The following MBTPS1 variants were observed in gnomAD, a reference collection of about 807,000 sequenced individuals.
MBTPS1 encodes membrane bound transcription factor peptidase, site 1, also known as membrane-bound transcription factor site-1 protease.
In MBTPS1, 94 loss-of-function variants were observed where a neutral mutation model predicts 127.8. That is an observed-to-expected ratio of 0.74 (90% confidence interval 0.62 to 0.87). The LOEUF is 0.87. Among genes scored for constraint, MBTPS1 ranks in the 40% least tolerant of loss-of-function variants. The probability of loss-of-function intolerance (pLI) is 0.00; values close to 1 mark genes in which losing one functional copy is unlikely to be tolerated. For synonymous variants in MBTPS1, 632 were observed against 509.4 expected, an observed-to-expected ratio of 1.24 and a Z score of -3.24; for missense variants, 1,636 against 1,353.2, an observed-to-expected ratio of 1.21 and a Z score of -3.28.
chr16:84,056,017 C>T lies in MBTPS1; in HGVS notation c.2950G>A (p.Asp984Asn), dbSNP rs146299475. 7.6e-3 allele frequency: 12,296 copies of T among 1,612,704 alleles called. 67 individuals are homozygous for T. The highest frequency in any genetic ancestry group is 8.7e-3 in the Non-Finnish European group (10,231 of 1,179,406). ...GCCGAGAACTCACCTCCAGGAATGT[C>T]CCAGGCGCCGCTCTCTCCAGGGGAC... ...PLSPGESGAW[D>N]IPGGIMPGRY... Residue 984 changes from aspartate (D) to asparagine (N), a missense_variant, in exon 22 of 23, where the codon GAC becomes AAC. Coordinates refer to ENST00000343411, the MANE Select transcript of MBTPS1 (RefSeq NM_003791.4).
chr16:84,054,521 C>T lies in MBTPS1; in HGVS notation c.3087G>A (p.Lys1029=). ...VQINKAKSRP[K]RRKPRVKRPQ... ...GGCGCTTCACCCTGGGCTTCCTCCGCTTCGGCCTGCTCTTGGCCTTGTTGA... is the reference window on the plus strand; with the variant it reads ...GGCGCTTCACCCTGGGCTTCCTCCGTTTCGGCCTGCTCTTGGCCTTGTTGA... The change falls in exon 23 of 23, where the codon AAG becomes AAA. Residue 1029 remains lysine, a synonymous_variant. Transcript: ENST00000343411. 1 of 1,614,016 alleles carries T rather than the reference C, an allele frequency of 6.2e-7. No homozygotes were observed. Among genetic ancestry groups the T allele is most frequent in the Non-Finnish European group, 8.5e-7 (1 of 1,179,920 alleles).
chr16:84,099,030 T>G, intron 3 of MBTPS1, 23 bp downstream of exon 3: 1 of 1,607,468 alleles, frequency 6.2e-7, no homozygotes, highest in Non-Finnish European at 8.5e-7. Context: ...AGAGAGAAAT[T>G]TGCCTACAGT....
At chr16:84,094,000 C>T (rs1206969354) in intron 4 of MBTPS1, among the ~76,000 whole-genome samples, 179 bp from the exon 5 acceptor site, 1 of 152,150 alleles carries the variant, frequency 6.6e-6, no homozygotes, top group Non-Finnish European at 1.5e-5. Flanking sequence ...TGAGCCAAGG[C>T]TAAGAAAAGA....
At position 84,070,032 on chromosome 16, in the gene MBTPS1, T is replaced by C. The variant is rs745538324; in HGVS notation, c.1789A>G (p.Asn597Asp). The C allele has an allele frequency of 1.5e-5, 23 of 1,559,006 alleles. No homozygotes were observed. Among genetic ancestry groups the C allele is most frequent in the Non-Finnish European group, 2.0e-5 (23 of 1,160,326 alleles). ...ACTGTTGAAGTCTGTTCTGCACCATTTTTTGACTAAAAAAAAAGAAAAGAA... is the reference window on the plus strand; with the variant it reads ...ACTGTTGAAGTCTGTTCTGCACCATCTTTTGACTAAAAAAAAAGAAAAGAA... ...VASPAETESK[N>D]GAEQTSTVKL... is the part of the protein sequence containing the mutation. Residue 597 changes from asparagine (N) to aspartate (D), a missense_variant, in exon 14 of 23, where the codon AAT becomes GAT. By Grantham distance (23) the Asn-to-Asp change is conservative. Transcript: ENST00000343411.
rs773359209 is a variant in MBTPS1 at position 84,091,718 on chromosome 16, G to A, written c.963+14C>T. The A allele has an allele frequency of 3.1e-6, 5 of 1,587,978 alleles. No individual in the cohort carries two copies. The highest frequency in any genetic ancestry group is 3.5e-6 in the Non-Finnish European group (4 of 1,156,304). ...AGCTGTCACCCAAACCCCGTGTGCA[G>A]TGACTCCACAAACCTTGTCAACAAA... is the stretch of plus-strand genomic sequence containing the variant. On this transcript the variant is annotated intron_variant, in intron 7 of 22. Transcript: ENST00000343411.
At chr16:84,099,709 G>A (rs371138559) in intron 2 of MBTPS1, among the ~76,000 whole-genome samples, 4 of 151,560 alleles carry the variant, frequency 2.6e-5, no homozygotes, top group Admixed American at 6.6e-5. Flanking sequence ...CCTGGGAGGC[G>A]GAGATTGCAG....
chr16:84,060,059 T>C (rs2085585396), intron 20 of MBTPS1: 1 of 152,772 alleles, frequency 6.5e-6, no homozygotes, highest in Non-Finnish European at 1.5e-5. Flanking sequence ...CGGGCAGCGC[T>C]GTAAGGACCA....
intron 17 of MBTPS1, 83 bp downstream of exon 17, chr16:84,066,406 C>G: frequency 7.0e-7 from 1 of 1,432,294 alleles, no homozygotes; most frequent in Non-Finnish European, 9.4e-7. Flanking sequence ...TCACCATTCT[C>G]TTTCTCAAGA....
chr16:84,062,772 A>G (rs2151142676), intron 19 of MBTPS1, among the ~76,000 whole-genome samples: 1 of 152,352 alleles, frequency 6.6e-6, no homozygotes, highest in South Asian at 2.1e-4. Context: ...CGCGGAGGGA[A>G]GAGGACTGGC....
chr16:84,067,574 C>T, intron 16 of MBTPS1, 93 bp downstream of exon 16: 1 of 1,055,180 alleles, frequency 9.5e-7, no homozygotes, highest in Non-Finnish European at 1.4e-6. Flanking sequence ...ACTGGAAAGA[C>T]CACCAACAGG....
chr16:84,063,405 G>A lies in MBTPS1; in HGVS notation c.2472C>T (p.Asn824=), dbSNP rs751083921. The change falls in exon 19 of 23, where the codon AAC becomes AAT. Residue 824 remains asparagine, a synonymous_variant. Transcript: ENST00000343411. Reference sequence around the variant, plus strand: ...TCTGATAAAGTCCCAAAATGGGGACGTTTTCAACAACTGCTGTTTCCTGCT... The same window carrying A: ...TCTGATAAAGTCCCAAAATGGGGACATTTTCAACAACTGCTGTTTCCTGCT... The part of the protein sequence containing the change: ...VLKQETAVVE[N]VPILGLYQIP... The A allele has an allele frequency of 1.1e-5, 17 of 1,613,900 alleles. No individual in the cohort carries two copies. The highest frequency in any genetic ancestry group is 1.6e-4 in the Middle Eastern group (1 of 6,084).
rs572363829 is a variant in MBTPS1 at position 84,081,862 on chromosome 16, C to A, written c.1333G>T (p.Ala445Ser). The change falls in exon 11 of 23, where the codon GCC becomes TCC. Residue 445 changes from alanine to serine, a missense_variant. Coordinates refer to ENST00000343411, the MANE Select transcript of MBTPS1 (RefSeq NM_003791.4). ...ELVNPASMKQALIASARRLPG... is the reference protein window; with the variant it reads ...ELVNPASMKQSLIASARRLPG... ...AGCCTCCGGGCTGACGCGATCAGGG[C>A]CTGCTTCATACTGGCGGGATTCACC... is the stretch of plus-strand genomic sequence containing the variant. 2.6e-6 allele frequency: 4 copies of A among 1,510,466 alleles called. No individual in the cohort carries two copies. Among genetic ancestry groups the A allele is most frequent in the East Asian group, 5.1e-5 (2 of 39,396 alleles). The allele number at this position is 1,510,466 out of a possible 1,614,324, so 93.6% of individuals were successfully genotyped here. A position where few individuals can be genotyped will look rare whatever the true frequency, so the allele number is the denominator to read the frequency against.
Position 84,060,827 on chromosome 16 carries a change from A to G in MBTPS1, c.2573-14T>C, listed in dbSNP as rs752154166. On this transcript the variant is annotated splice_polypyrimidine_tract_variant and intron_variant, in intron 19 of 22. Transcript: ENST00000343411. Reference sequence around the variant, plus strand: ...GCCAAAAGCAGTCTGCGAAGTCAACAAGCCTGTTTAGGAATTCCTTTTTTT... The same window carrying G: ...GCCAAAAGCAGTCTGCGAAGTCAACGAGCCTGTTTAGGAATTCCTTTTTTT... 10 of 1,549,766 alleles carry G rather than the reference A, an allele frequency of 6.5e-6. No individual in the cohort carries two copies. In the Admixed American group the frequency reaches 2.0e-4, roughly 31 times the overall value.
At chr16:84,055,862 A>G (rs1419013933) in intron 22 of MBTPS1, 143 bp downstream of exon 22, 1 of 845,268 alleles carries the variant, frequency 1.2e-6, no homozygotes, top group Non-Finnish European at 1.8e-6. Flanking sequence ...TGTGCCACAA[A>G]AGAAGCCAAG....
intron 1 of MBTPS1, among the ~76,000 whole-genome samples, chr16:84,115,139 G>C (rs2086454789): frequency 6.6e-6 from 1 of 152,110 alleles, no homozygotes; most frequent in African/African-American, 2.4e-5. Flanking sequence ...ACGTTGGCCA[G>C]GCTGGTCTTG....
chr16:84,099,852 A>T (rs2086230448), intron 2 of MBTPS1, among the ~76,000 whole-genome samples: 1 of 152,114 alleles, frequency 6.6e-6, no homozygotes. Context: ...TACCCGTGAT[A>T]TTTTTTTAAA....
chr16:84,082,886 G>C (rs1189936114), intron 10 of MBTPS1, among the ~76,000 whole-genome samples: 1 of 152,200 alleles, frequency 6.6e-6, no homozygotes, highest in East Asian at 1.9e-4. Flanking sequence ...CATCAGGCTG[G>C]AGCTCGGGAG....
chr16:84,111,993 G>C (rs1056808268), intron 1 of MBTPS1, among the ~76,000 whole-genome samples: 1 of 151,624 alleles, frequency 6.6e-6, no homozygotes, highest in South Asian at 2.1e-4. Flanking sequence ...TTGAGGCCAG[G>C]AGTTCAAGAC....
chr16:84,079,568 A>G (rs1353295967), intron 11 of MBTPS1, among the ~76,000 whole-genome samples: 3 of 152,216 alleles, frequency 2.0e-5, no homozygotes, highest in Admixed American at 6.5e-5. Context: ...TCACAAGGAC[A>G]TGGGCTAGCA....
Sources: allele counts gnomAD v4.1 joint callset (sites outside exome capture counted in the v4.1 genomes callset), GRCh38; gene constraint gnomAD v4.1.1; transcripts MANE v1.5; gene names NCBI Gene and HGNC (gene_info 2026-07-23, HGNC 2026-07-21).